Variants in DHX57 observed in about 807,000 individuals in gnomAD.
The protein encoded by DHX57 is putative ATP-dependent RNA helicase DHX57.
In DHX57, 105 loss-of-function variants were observed where a neutral mutation model predicts 156.2. That is an observed-to-expected ratio of 0.67 (90% CI 0.57 to 0.79). The LOEUF (loss-of-function observed/expected upper bound fraction) is 0.79, where lower values mean the gene tolerates loss of function less well. DHX57 is among the 30% of genes least tolerant of loss of function. DHX57 has a pLI of 0.00. For synonymous variants in DHX57, 704 were observed against 595.6 expected, an observed-to-expected ratio of 1.18 and a Z score of -2.65; for missense variants, 1,847 against 1,661.9, an observed-to-expected ratio of 1.11 and a Z score of -1.94.
At chr2:38,829,479 T>G (rs1671272427) in intron 13 of DHX57, among the ~76,000 whole-genome samples, 1 of 150,256 alleles carries the variant, frequency 6.7e-6, no homozygotes, top group Non-Finnish European at 1.5e-5. Flanking sequence ...ACCATGTTGG[T>G]CAGGCTGGTC....
intron 11 of DHX57, among the ~76,000 whole-genome samples, chr2:38,845,678 C>T (rs1672239775): frequency 1.3e-5 from 2 of 152,036 alleles, no homozygotes; most frequent in African/African-American, 4.8e-5. Flanking sequence ...GAAAATCTTG[C>T]GGAATCCTCA....
rs1309814769 is a variant in DHX57, at chr2:38,837,842, G to A, written c.2531C>T (p.Ser844Phe). Reference sequence around the variant, plus strand: ...AAAGAAGCAGTTACCTGGAGGGTAGGAGTGCTTTCCATCCACAATCCACTC... The same window carrying A: ...AAAGAAGCAGTTACCTGGAGGGTAGAAGTGCTTTCCATCCACAATCCACTC... ...LLEWIVDGKH[S>F]YPPGAILVFL... The change falls in exon 13 of 24, where the codon TCC becomes TTC. Residue 844 changes from serine to phenylalanine, a missense_variant. Ser to Phe is a radical substitution (Grantham distance 155). Coordinates refer to ENST00000457308, the MANE Select transcript of DHX57 (RefSeq NM_198963.3). 20 of 1,598,564 alleles carry A rather than the reference G, an allele frequency of 1.3e-5. No individual in the cohort carries two copies. The highest frequency in any genetic ancestry group is 1.7e-5 in the Non-Finnish European group (20 of 1,166,084).
At chr2:38,868,557 G>C in intron 1 of DHX57, 146 bp from the exon 2 acceptor site, 2 of 876,774 alleles carry the variant, frequency 2.3e-6, no homozygotes, top group Non-Finnish European at 3.4e-6. Context: ...GCAGGATTCT[G>C]AATCTGTTCC....
intron 21 of DHX57, chr2:38,811,041 C>G: frequency 1.5e-6 from 1 of 664,258 alleles, no homozygotes; most frequent in Admixed American, 1.8e-5. Context: ...TTGGCCAGGT[C>G]CTGAATCTTC....
At position 38,823,194 on chromosome 2, in the gene DHX57, G is replaced by A. The variant is rs762926774; in HGVS notation, c.3090C>T (p.Thr1030=). The A allele has an allele frequency of 1.9e-6, 3 of 1,614,098 alleles. No homozygotes were observed. The highest frequency in any genetic ancestry group is 2.2e-5 in the East Asian group (1 of 44,880). The change falls in exon 17 of 24, where the codon ACC becomes ACT. Residue 1030 remains threonine (T), a synonymous_variant. Transcript: ENST00000457308. ...VFSRLIEPPH[T]DSLRASKIRL... ...GTATTTTTGAGGCACGAAGAGAATC[G>A]GTGTGTGGAGGTTCAATGAGCCGAG... is the stretch of plus-strand genomic sequence containing the variant.
intron 16 of DHX57, among the ~76,000 whole-genome samples, chr2:38,824,664 G>A (rs547900924): frequency 6.6e-6 from 1 of 152,020 alleles, no homozygotes; most frequent in Non-Finnish European, 1.5e-5. Flanking sequence ...TTTTTTGGGG[G>A]GGTATAGAGT....
At chr2:38,856,593 TC>T in intron 6 of DHX57, 132 bp from the exon 7 acceptor site, 1 of 1,192,006 alleles carries the variant, frequency 8.4e-7, no homozygotes, top group Non-Finnish European at 1.1e-6. Flanking sequence ...AATCTGCACT[TC>T]CCAGGCTCTA....
chr2:38,828,533 TG>T, intron 13 of DHX57, 97 bp from the exon 14 acceptor site: 1 of 767,066 alleles, frequency 1.3e-6, no homozygotes, highest in Non-Finnish European at 2.0e-6. Flanking sequence ...ATGAAGTAAA[TG>T]AAAAACTAAT....
At chr2:38,833,653 G>T (rs1406716579) in intron 13 of DHX57, among the ~76,000 whole-genome samples, 1 of 152,162 alleles carries the variant, frequency 6.6e-6, no homozygotes, top group Non-Finnish European at 1.5e-5. Context: ...ATTGCTCTGT[G>T]TTTAGTACAG....
intron 13 of DHX57, among the ~76,000 whole-genome samples, chr2:38,836,775 C>CAAAAAA (rs964200602): frequency 4.7e-5 from 2 of 42,454 alleles, no homozygotes; most frequent in African/African-American, 8.1e-5. Flanking sequence ...GACCCTGTCT[C>CAAAAAA]AAAAAAAAAA....
chr2:38,815,534 G>C lies in DHX57; in HGVS notation c.3593C>G (p.Ala1198Gly). ...CACATTCTTTACCTCTTCTCCTGTG[G>C]CATCTAAGACACCATCTCCTCCTTG... ...RAQGGDGVLD[A>G]TGEEANSNAE... Residue 1198 changes from alanine to glycine, a missense_variant, in exon 20 of 24, where the codon GCC becomes GGC. Ala to Gly is a moderately conservative substitution (Grantham distance 60). Coordinates refer to ENST00000457308, the MANE Select transcript of DHX57 (RefSeq NM_198963.3). 6.2e-7 allele frequency: 1 copy of C among 1,613,978 alleles called. No individual in the cohort carries two copies. Among genetic ancestry groups the C allele is most frequent in the East Asian group, 2.2e-5 (1 of 44,878 alleles).
Position 38,858,792 on chromosome 2 carries a change from G to C in DHX57, c.1456C>G (p.Pro486Ala), listed in dbSNP as rs749679881. 1.9e-6 allele frequency: 3 copies of C among 1,613,486 alleles called. No individual in the cohort carries two copies. The South Asian group carries it at 3.3e-5, about 18-fold the overall frequency. ...TCATTCTCTACTATAACAGGTGCAG[G>C]ACCGTCATCCTCATCTGACTCCTCA... is the stretch of plus-strand genomic sequence containing the variant. The part of the protein sequence containing the change: ...ESEESDEDDG[P>A]APVIVENESY... The change falls in exon 6 of 24, where the codon CCT (proline) becomes GCT (alanine). Residue 486 changes from proline (P) to alanine (A), a missense_variant. Physicochemically the swap from Pro to Ala is conservative, Grantham distance 27. Coordinates refer to ENST00000457308, the MANE Select transcript of DHX57 (RefSeq NM_198963.3).
chr2:38,839,949 T>C (rs920967776), intron 12 of DHX57, among the ~76,000 whole-genome samples: 4 of 152,178 alleles, frequency 2.6e-5, no homozygotes, highest in Non-Finnish European at 1.5e-5. Context: ...TTTTGTTTTT[T>C]AAAATTATTA....
At chr2:38,828,513 A>G in intron 13 of DHX57, 77 bp from the exon 14 acceptor site, 3 of 991,796 alleles carry the variant, frequency 3.0e-6, no homozygotes, top group Admixed American at 2.8e-5. Flanking sequence ...TTTAAAAAAG[A>G]ATATGATAAA....
rs761631988 is a variant in DHX57 at position 38,826,013 on chromosome 2, C to A, written c.2848G>T (p.Asp950Tyr). Residue 950 changes from aspartate (D) to tyrosine (Y), a missense_variant, in exon 16 of 24, where the codon GAC becomes TAC. Asp to Tyr is a radical substitution (Grantham distance 160). Coordinates refer to ENST00000457308, the MANE Select transcript of DHX57 (RefSeq NM_198963.3). ...DASKGMESLE[D>Y]TFVSQANALQ... ...GCATTAGCTTGAGATACAAAGGTGT[C>A]CTCTAGACTTTCCATCCCTTTGCTG... The A allele has an allele frequency of 6.2e-7, 1 of 1,614,164 alleles. No individual in the cohort carries two copies. Among genetic ancestry groups the A allele is most frequent in the Non-Finnish European group, 8.5e-7 (1 of 1,179,998 alleles).
chr2:38,849,348 G>GTGTTAT (rs1672460669), intron 9 of DHX57, among the ~76,000 whole-genome samples: 1 of 152,090 alleles, frequency 6.6e-6, no homozygotes, highest in South Asian at 2.1e-4. Flanking sequence ...ACCCTAATTG[G>GTGTTAT]TCTCTTGGCC....
chr2:38,860,393 G>A (rs1673134225), intron 5 of DHX57, among the ~76,000 whole-genome samples: 1 of 152,158 alleles, frequency 6.6e-6, no homozygotes, highest in Non-Finnish European at 1.5e-5. Context: ...AGGTTGCAGT[G>A]AGCTGAGATC....
At chr2:38,827,467 C>CA (rs1671147447) in intron 14 of DHX57, among the ~76,000 whole-genome samples, 2 of 107,978 alleles carry the variant, frequency 1.9e-5, no homozygotes, top group African/African-American at 7.3e-5. Context: ...GCCTGGGCCA[C>CA]AGAGCGAGAC....
At position 38,843,050 on chromosome 2, in the gene DHX57, G is replaced by A. The variant is rs1672092350; in HGVS notation, c.2380C>T (p.Pro794Ser). 1 of 1,614,144 alleles carries A rather than the reference G, an allele frequency of 6.2e-7. No homozygotes were observed. The highest frequency in any genetic ancestry group is 1.1e-5 in the South Asian group (1 of 91,078). Residue 794 changes from proline to serine, a missense_variant, in exon 12 of 24, where the codon CCA (proline) becomes TCA (serine). Physicochemically the swap from Pro to Ser is moderately conservative, Grantham distance 74 (BLOSUM62 -1). Transcript: ENST00000457308. The part of the protein sequence containing the change: ...QDQDSVKDAV[P>S]DQQLDFKQLL... ...TGCTTAAAATCTAACTGTTGATCTG[G>A]CACTGCATCTTTGACAGAATCCTGA...
Sources: allele counts gnomAD v4.1 joint callset (sites outside exome capture counted in the v4.1 genomes callset), GRCh38; gene constraint gnomAD v4.1.1; transcripts MANE v1.5; gene names NCBI Gene and HGNC (gene_info 2026-07-23, HGNC 2026-07-21).